The following DLGAP1 variants were observed in gnomAD, a reference collection of about 807,000 sequenced individuals.
DLGAP1 encodes DLG associated protein 1.
Under a neutral mutation model 90.8 loss-of-function variants are expected in DLGAP1, and 11 were observed. That is an observed-to-expected ratio of 0.12 (90% CI 0.08 to 0.20). The LOEUF (loss-of-function observed/expected upper bound fraction) is 0.20. Ranked by LOEUF, DLGAP1 falls within the 10% of genes least tolerant of loss-of-function variation. The pLI is 1.00. For missense variants in DLGAP1, 1,050 were observed against 1,333.8 expected (o/e 0.79, Z 3.31); for synonymous variants, 558 against 540.7 (o/e 1.03, Z -0.44).
chr18:4,411,448 T>C (rs2082775151), intron 1 of DLGAP1, among the ~76,000 whole-genome samples: 1 of 152,190 alleles, frequency 6.6e-6, no homozygotes, highest in Non-Finnish European at 1.5e-5. Flanking sequence ...GCTTAGGGTA[T>C]AGCGGGCAGA....
intron 1 of DLGAP1, among the ~76,000 whole-genome samples, chr18:4,163,779 T>C (rs2076886870): frequency 6.6e-6 from 1 of 152,242 alleles, no homozygotes; most frequent in Admixed American, 6.5e-5. Context: ...GTGAGAGAGT[T>C]ACATTTTCTT....
At chr18:3,544,924 T>C (rs2052925222) in intron 9 of DLGAP1, among the ~76,000 whole-genome samples, 1 of 151,914 alleles carries the variant, frequency 6.6e-6, no homozygotes, top group African/African-American at 2.4e-5. Flanking sequence ...CTCTATTAAA[T>C]TCTATTTTGT....
chr18:4,110,377 G>A (rs907935100), intron 2 of DLGAP1, among the ~76,000 whole-genome samples: 1 of 152,170 alleles, frequency 6.6e-6, no homozygotes, highest in South Asian at 2.1e-4. Flanking sequence ...TATGTGGTGC[G>A]TGACTGTCTA....
chr18:4,445,512 T>A (rs1471905261), intron 1 of DLGAP1, among the ~76,000 whole-genome samples: 2 of 136,344 alleles, frequency 1.5e-5, no homozygotes, highest in African/African-American at 5.5e-5. Context: ...GTGATCTCAA[T>A]GTTCAATTCC....
chr18:3,820,474 T>C (rs1356784741), intron 4 of DLGAP1, among the ~76,000 whole-genome samples: 1 of 152,178 alleles, frequency 6.6e-6, no homozygotes, highest in African/African-American at 2.4e-5. Context: ...AAAGTAGCAA[T>C]TGAATGGTGG....
At chr18:4,300,171 T>C (rs1480536176) in intron 1 of DLGAP1, among the ~76,000 whole-genome samples, 2 of 152,180 alleles carry the variant, frequency 1.3e-5, no homozygotes, top group African/African-American at 4.8e-5. Flanking sequence ...TAATCCACAA[T>C]GATAATCCAT....
chr18:4,440,941 T>C (rs1249109715), intron 1 of DLGAP1, among the ~76,000 whole-genome samples: 1 of 152,252 alleles, frequency 6.6e-6, no homozygotes, highest in East Asian at 1.9e-4. Context: ...ACAATGTTGA[T>C]TTAACAATGT....
chr18:3,930,364 T>C (rs2072489342), intron 3 of DLGAP1, among the ~76,000 whole-genome samples: 1 of 152,192 alleles, frequency 6.6e-6, no homozygotes, highest in Admixed American at 6.5e-5. Flanking sequence ...CCCAGGTGGT[T>C]TGTGTTTTAA....
At chr18:4,094,607 CTTT>C (rs35060422) in intron 2 of DLGAP1, among the ~76,000 whole-genome samples, 16 of 124,826 alleles carry the variant, frequency 1.3e-4, no homozygotes, top group African/African-American at 4.6e-4. Flanking sequence ...CTTTCTCTTT[CTTT>C]TTTTTTTTTT....
chr18:3,860,419 C>T (rs2069974064), intron 4 of DLGAP1, among the ~76,000 whole-genome samples: 2 of 152,184 alleles, frequency 1.3e-5, no homozygotes, highest in Admixed American at 6.5e-5. Flanking sequence ...TTTGACAACC[C>T]TGTATGATAG....
chr18:4,233,241 C>T (rs927737392), intron 1 of DLGAP1, among the ~76,000 whole-genome samples: 5 of 152,038 alleles, frequency 3.3e-5, no homozygotes, highest in African/African-American at 1.2e-4. Flanking sequence ...TATCCCTGGC[C>T]CCGATCTAAG....
chr18:3,607,341 A>G (rs2057372862), intron 7 of DLGAP1: 1 of 151,998 alleles, frequency 6.6e-6, no homozygotes, highest in Admixed American at 6.6e-5. Context: ...TATTTTTTGT[A>G]GAAATGGGGT....
intron 4 of DLGAP1, among the ~76,000 whole-genome samples, chr18:3,859,334 G>C (rs971812436): frequency 6.6e-6 from 1 of 152,076 alleles, no homozygotes; most frequent in Non-Finnish European, 1.5e-5. Context: ...TTCACACCAA[G>C]TTTAAAAAAA....
rs530998378 is a variant in DLGAP1, at chr18:3,963,804, T to A, written c.-73+41312A>T. Among the ~76,000 whole-genome samples the A allele has an allele frequency of 1.2e-4, 19 of 152,244 alleles. No individual in the cohort carries two copies. In the South Asian group the frequency reaches 1.7e-3, roughly 13 times the overall value. ...GCTCACGTCCAACACCTAGGCTATC[T>A]GCTGTGACAGCCACTGGCCACATGT... On this transcript the variant is annotated intron_variant, in intron 3 of 12. Coordinates refer to ENST00000315677, the MANE Select transcript of DLGAP1 (RefSeq NM_004746.4).
Position 3,720,888 on chromosome 18 carries a change from C to CAAAA in DLGAP1, c.1591+8243_1591+8246dup, listed in dbSNP as rs1186426563. ...GCAACATACTAAGACCTTGTCTCTA[C>CAAAA]AAAAAAAAAAAAAAAAAAAAATTAG... On this transcript the variant is annotated intron_variant, in intron 7 of 12. Coordinates refer to ENST00000315677, the MANE Select transcript of DLGAP1 (RefSeq NM_004746.4). Among the ~76,000 whole-genome samples the CAAAA allele has an allele frequency of 8.4e-3, 421 of 50,298 alleles. 35 individuals carry two copies. The highest frequency in any genetic ancestry group is 0.031 in the African/African-American group (388 of 12,490). 33.0% of individuals were successfully genotyped at this position (50,298 alleles called of 152,430 possible). A position where few individuals can be genotyped will look rare whatever the true frequency, so the allele number is the denominator to read the frequency against.
At chr18:3,656,752 A>G (rs926486188) in intron 7 of DLGAP1, among the ~76,000 whole-genome samples, 6 of 149,082 alleles carry the variant, frequency 4.0e-5, no homozygotes, top group Non-Finnish European at 5.9e-5. Flanking sequence ...TTTTTTTTTG[A>G]GACAGAGTCT....
At position 4,432,596 on chromosome 18, in the gene DLGAP1, G is replaced by GTGTGTA. The variant is rs745671899; in HGVS notation, c.-267+22409_-267+22410insTACACA. Among the ~76,000 whole-genome samples the GTGTGTA allele has an allele frequency of 5.0e-3, 743 of 150,012 alleles. 3 individuals are homozygous for GTGTGTA. The highest frequency in any genetic ancestry group is 8.0e-3 in the Non-Finnish European group (539 of 67,308). ...ACATCCATCACCTCACATAGTGTGT[G>GTGTGTA]TGTGTGTGTGTGTGTGTGTGTGTGT... On this transcript the variant is annotated intron_variant, in intron 1 of 12. Transcript: ENST00000315677.
chr18:4,119,295 T>C (rs1355078683), intron 2 of DLGAP1, among the ~76,000 whole-genome samples: 2 of 152,114 alleles, frequency 1.3e-5, no homozygotes, highest in Admixed American at 6.5e-5. Flanking sequence ...GTTCTCACTA[T>C]GTCTCACGGG....
At chr18:4,122,924 C>T (rs1222798630) in intron 2 of DLGAP1, among the ~76,000 whole-genome samples, 1 of 152,110 alleles carries the variant, frequency 6.6e-6, no homozygotes, top group African/African-American at 2.4e-5. Flanking sequence ...CCAGGTTCAT[C>T]TTTGGGGGAT....
Sources: gnomAD v4.1 joint callset for allele counts (sites outside exome capture counted in the v4.1 genomes callset) on GRCh38, gnomAD v4.1.1 for gene constraint, MANE v1.5 for transcripts, NCBI Gene and HGNC (gene_info 2026-07-23, HGNC 2026-07-21) for gene names.